COMMD10: variants seen among roughly 807,000 people sequenced by gnomAD.
COMMD10 encodes the protein COMM domain-containing protein 10.
COMMD10 carries 33 observed loss-of-function variants against 28.9 expected under a neutral mutation model. The ratio of observed to expected loss-of-function variants is 1.14; its 90% confidence interval spans 0.87 to 1.53. The LOEUF is 1.53. COMMD10 is among the 40% of genes most tolerant of loss of function. The pLI is 0.00. For missense variants in COMMD10, 310 were observed against 233.4 expected, an observed-to-expected ratio of 1.33 and a Z score of -2.14; for synonymous variants, 110 against 81.7, an observed-to-expected ratio of 1.35 and a Z score of -1.87.
At chr5:116,093,481 T>A (rs951326136) in intron 4 of COMMD10, among the ~76,000 whole-genome samples, 1 of 152,070 alleles carries the variant, frequency 6.6e-6, no homozygotes, top group African/African-American at 2.4e-5. Flanking sequence ...TGCTGCAGAC[T>A]CCTGTAATCC....
At position 116,237,529 on chromosome 5, in the gene COMMD10, G is replaced by A. The variant is rs928107258; in HGVS notation, c.511-53988G>A. 1.3e-5 allele frequency among the ~76,000 whole-genome samples: 2 copies of A among 151,926 alleles called. 1 individual carries two copies. Among genetic ancestry groups the A allele is most frequent in the Non-Finnish European group, 2.9e-5 (2 of 67,994 alleles). On this transcript the variant is annotated intron_variant, in intron 5 of 6. Transcript: ENST00000274458. ...AGATAAACGTTACAGAAAAAAAATT[G>A]CCAAGCGCAATGGCACATGCTATAT...
intron 1 of COMMD10, among the ~76,000 whole-genome samples, chr5:116,086,982 T>G (rs1349982744): frequency 6.6e-6 from 1 of 152,180 alleles, no homozygotes; most frequent in African/African-American, 2.4e-5. Flanking sequence ...ATCTCAAAAT[T>G]GATTACTGTT....
intron 5 of COMMD10, among the ~76,000 whole-genome samples, chr5:116,212,884 A>C (rs1429614455): frequency 6.6e-6 from 1 of 152,054 alleles, no homozygotes; most frequent in Non-Finnish European, 1.5e-5. Flanking sequence ...ATCCATAATA[A>C]AATTTATGTC....
intron 5 of COMMD10, among the ~76,000 whole-genome samples, chr5:116,161,888 A>C (rs1331736309): frequency 2.0e-5 from 3 of 152,208 alleles, no homozygotes; most frequent in African/African-American, 7.2e-5. Context: ...CCTGCAGTGC[A>C]CACCTATGTT....
intron 5 of COMMD10, among the ~76,000 whole-genome samples, chr5:116,193,469 A>G (rs1748426878): frequency 6.6e-6 from 1 of 152,214 alleles, no homozygotes; most frequent in Non-Finnish European, 1.5e-5. Context: ...CTGAAAGTAA[A>G]GGGGTGGAAA....
chr5:116,208,562 C>T (rs1748877031), intron 5 of COMMD10, among the ~76,000 whole-genome samples: 1 of 152,106 alleles, frequency 6.6e-6, no homozygotes, highest in East Asian at 1.9e-4. Flanking sequence ...AGGATAGGGA[C>T]CACAGTAATC....
At chr5:116,183,669 C>T (rs77957073) in intron 5 of COMMD10, among the ~76,000 whole-genome samples, 2,236 of 152,178 alleles carry the variant, frequency 0.015, 54 homozygotes, top group African/African-American at 0.047. Flanking sequence ...ATTCACTGCA[C>T]TTAGCACACT....
At chr5:116,182,317 AAGAGAAAG>A (rs35494219) in intron 5 of COMMD10, among the ~76,000 whole-genome samples, 46,583 of 151,544 alleles carry the variant, frequency 0.31, 9,804 homozygotes, top group African/African-American at 0.61. Context: ...AGGGAGGTGA[AAGAGAAAG>A]AGGAGAGAAA....
intron 5 of COMMD10, 38 bp downstream of exon 5, chr5:116,134,216 T>C (rs752744568): frequency 8.4e-7 from 1 of 1,194,498 alleles, no homozygotes; most frequent in Non-Finnish European, 1.2e-6. Flanking sequence ...TGTATTTTGT[T>C]TGTTAGGACT....
At chr5:116,152,727 G>A (rs899285881) in intron 5 of COMMD10, among the ~76,000 whole-genome samples, 3 of 151,958 alleles carry the variant, frequency 2.0e-5, no homozygotes, top group African/African-American at 7.3e-5. Context: ...CATGTTAAGG[G>A]ATGGTCCAAT....
At chr5:116,243,668 T>C (rs1164494019) in intron 5 of COMMD10, among the ~76,000 whole-genome samples, 1 of 152,272 alleles carries the variant, frequency 6.6e-6, no homozygotes, top group Admixed American at 6.5e-5. Context: ...ATCCCTGGAT[T>C]AATGATTCTA....
intron 5 of COMMD10, among the ~76,000 whole-genome samples, chr5:116,165,429 CA>C (rs1753057862): frequency 6.6e-6 from 1 of 152,130 alleles, no homozygotes; most frequent in Non-Finnish European, 1.5e-5. Flanking sequence ...GCTGCCAAAA[CA>C]AAATATCACA....
At chr5:116,180,566 T>G (rs1280431542) in intron 5 of COMMD10, among the ~76,000 whole-genome samples, 1 of 152,106 alleles carries the variant, frequency 6.6e-6, no homozygotes, top group East Asian at 1.9e-4. Context: ...TTGTGAAATT[T>G]TCTATTAGCA....
intron 1 of COMMD10, 103 bp downstream of exon 1, chr5:116,085,196 G>C (rs1750048120): frequency 1.0e-5 from 9 of 885,054 alleles, no homozygotes; most frequent in Non-Finnish European, 1.5e-5. Context: ...GCCGCGGCGG[G>C]CCCGGTTGAG....
Position 116,256,848 on chromosome 5 carries a change from C to T in COMMD10, c.511-34669C>T, listed in dbSNP as rs150745210. On this transcript the variant is annotated intron_variant, in intron 5 of 6. Transcript: ENST00000274458. Reference sequence around the variant, plus strand: ...AAGGTATCCCTGTCTCAGCCAGCCACGTGGATACTCTGTGGTGTTTGGCAT... The same window carrying T: ...AAGGTATCCCTGTCTCAGCCAGCCATGTGGATACTCTGTGGTGTTTGGCAT... Among the ~76,000 whole-genome samples, 258 of 151,830 alleles carry T rather than the reference C, an allele frequency of 1.7e-3. 1 individual carries two copies. The highest frequency in any genetic ancestry group is 5.5e-3 in the Admixed American group (84 of 15,218).
chr5:116,161,521 A>C (rs1051700986), intron 5 of COMMD10, among the ~76,000 whole-genome samples: 1 of 152,162 alleles, frequency 6.6e-6, no homozygotes, highest in Non-Finnish European at 1.5e-5. Context: ...GACCTTTATT[A>C]CTAGTTGCCT....
chr5:116,250,424 G>T (rs986456703), intron 5 of COMMD10, among the ~76,000 whole-genome samples: 1 of 151,324 alleles, frequency 6.6e-6, no homozygotes. Flanking sequence ...GGTTTACAGA[G>T]ACAAGATTTT....
chr5:116,284,224 C>G (rs1751157080), intron 5 of COMMD10, among the ~76,000 whole-genome samples: 1 of 151,780 alleles, frequency 6.6e-6, no homozygotes, highest in Non-Finnish European at 1.5e-5. Context: ...TGAAAATATC[C>G]TTGTATCTGG....
chr5:116,240,442 A>G (rs17139253), intron 5 of COMMD10, among the ~76,000 whole-genome samples: 16,508 of 152,182 alleles, frequency 0.11, 1,322 homozygotes, highest in African/African-American at 0.22. Flanking sequence ...AGAAAACTTC[A>G]TAAGCACATA....
Sources: allele counts gnomAD v4.1 joint callset (sites outside exome capture counted in the v4.1 genomes callset), GRCh38; gene constraint gnomAD v4.1.1; transcripts MANE v1.5; gene names NCBI Gene and HGNC (gene_info 2026-07-23, HGNC 2026-07-21).